Variants in TMEM132B observed in about 807,000 individuals in gnomAD.
TMEM132B encodes the protein transmembrane protein 132B.
Under a neutral mutation model 90.8 loss-of-function variants are expected in TMEM132B, and 18 were observed. That is an observed-to-expected ratio of 0.20 (90% confidence interval 0.14 to 0.29). TMEM132B has a LOEUF of 0.29. Ranked by LOEUF, TMEM132B falls within the 10% of genes least tolerant of loss-of-function variation. The probability of loss-of-function intolerance (pLI) is 1.00; values close to 1 mark genes in which losing one functional copy is unlikely to be tolerated. For synonymous variants in TMEM132B, 504 were observed against 523.3 expected (o/e 0.96, Z 0.50); for missense variants, 1,096 against 1,326.8 (o/e 0.83, Z 2.70).
chr12:125,578,512 T>C (rs1414922820), intron 4 of TMEM132B, among the ~76,000 whole-genome samples: 1 of 152,206 alleles, frequency 6.6e-6, no homozygotes, highest in Non-Finnish European at 1.5e-5. Context: ...TTTGTATTTA[T>C]CAATGTAGTT....
chr12:125,523,110 G>A (rs753354519), intron 4 of TMEM132B, among the ~76,000 whole-genome samples: 1 of 152,172 alleles, frequency 6.6e-6, no homozygotes, highest in Non-Finnish European at 1.5e-5. Flanking sequence ...CAGAGCCTGA[G>A]TCCATTGGCT....
At chr12:125,456,418 A>G (rs1205460794) in intron 3 of TMEM132B, among the ~76,000 whole-genome samples, 2 of 152,222 alleles carry the variant, frequency 1.3e-5, no homozygotes, top group Non-Finnish European at 2.9e-5. Context: ...CCCAGGAAAC[A>G]GTCTAAAAAC....
At chr12:125,576,661 T>C (rs1455833541) in intron 4 of TMEM132B, among the ~76,000 whole-genome samples, 2 of 152,078 alleles carry the variant, frequency 1.3e-5, no homozygotes, top group African/African-American at 4.8e-5. Flanking sequence ...TATTGAGTAG[T>C]TTTATCATTA....
At chr12:125,368,095 AG>A (rs1317254589) in intron 2 of TMEM132B, among the ~76,000 whole-genome samples, 1 of 152,150 alleles carries the variant, frequency 6.6e-6, no homozygotes. Context: ...TCTCTAGGTA[AG>A]TATAGTTACT....
At chr12:125,269,491 C>G (rs1272963461) in intron 1 of TMEM132B, among the ~76,000 whole-genome samples, 1 of 152,200 alleles carries the variant, frequency 6.6e-6, no homozygotes, top group African/African-American at 2.4e-5. Flanking sequence ...AGCTCTTTAC[C>G]TGTGTCCTGA....
At chr12:125,385,767 G>A (rs1036111461) in intron 2 of TMEM132B, among the ~76,000 whole-genome samples, 6 of 152,186 alleles carry the variant, frequency 3.9e-5, no homozygotes, top group African/African-American at 1.4e-4. Flanking sequence ...AGGTGGATCA[G>A]TGTTACATAA....
At chr12:125,196,680 C>T (rs6488993) in intron 1 of TMEM132B, among the ~76,000 whole-genome samples, 34,711 of 152,036 alleles carry the variant, frequency 0.23, 4,779 homozygotes, top group East Asian at 0.47. Context: ...TGCACTCCAG[C>T]GTGGGTGACA....
intron 5 of TMEM132B, among the ~76,000 whole-genome samples, chr12:125,643,441 G>A (rs1886680553): frequency 6.6e-6 from 1 of 152,184 alleles, no homozygotes. Context: ...ATGGTCTAAT[G>A]CTCAACCTAC....
At position 125,269,129 on chromosome 12, in the gene TMEM132B, A is replaced by G. The variant is rs1874763796; in HGVS notation, c.68-80323A>G. ...TGAAGGATCTTGGGTTCCCAGATACACCTCTGATTATATTTGCAGTTACTT... is the reference window on the plus strand; with the variant it reads ...TGAAGGATCTTGGGTTCCCAGATACGCCTCTGATTATATTTGCAGTTACTT... On this transcript the variant is annotated intron_variant, in intron 1 of 8. Coordinates refer to ENST00000682704, the MANE Select transcript of TMEM132B (RefSeq NM_001366854.1). Among the ~76,000 whole-genome samples, 4 of 152,318 alleles carry G rather than the reference A, an allele frequency of 2.6e-5. No homozygotes were observed. In the South Asian group the frequency reaches 8.3e-4, roughly 32 times the overall value.
chr12:125,452,288 G>A (rs1881174210), intron 3 of TMEM132B, among the ~76,000 whole-genome samples: 1 of 152,052 alleles, frequency 6.6e-6, no homozygotes, highest in Non-Finnish European at 1.5e-5. Flanking sequence ...CACTGAGACT[G>A]CCATTACTGA....
At chr12:125,378,742 A>G (rs986087675) in intron 2 of TMEM132B, among the ~76,000 whole-genome samples, 1 of 152,168 alleles carries the variant, frequency 6.6e-6, no homozygotes, top group Admixed American at 6.5e-5. Context: ...GAATGTATTT[A>G]AGTGGACATT....
At chr12:125,380,864 C>T (rs1256303016) in intron 2 of TMEM132B, among the ~76,000 whole-genome samples, 2 of 152,222 alleles carry the variant, frequency 1.3e-5, no homozygotes, top group East Asian at 3.8e-4. Context: ...AACATTACTT[C>T]CTTCTGTCCT....
At chr12:125,424,203 T>C (rs535777219) in intron 3 of TMEM132B, among the ~76,000 whole-genome samples, 2 of 152,314 alleles carry the variant, frequency 1.3e-5, no homozygotes, top group African/African-American at 4.8e-5. Context: ...TTTTGAAGCA[T>C]AAAATGTCTG....
At chr12:125,583,034 G>T (rs921267852) in intron 4 of TMEM132B, among the ~76,000 whole-genome samples, 1 of 152,194 alleles carries the variant, frequency 6.6e-6, no homozygotes, top group Non-Finnish European at 1.5e-5. Flanking sequence ...ATCTAGGAAA[G>T]AAATAATCTG....
At chr12:125,257,297 C>T (rs538224275) in intron 1 of TMEM132B, among the ~76,000 whole-genome samples, 14 of 152,134 alleles carry the variant, frequency 9.2e-5, no homozygotes, top group Non-Finnish European at 1.8e-4. Context: ...CAGAGAAAGA[C>T]CGTCTCTGAA....
At chr12:125,621,784 G>T (rs1371192459) in intron 5 of TMEM132B, among the ~76,000 whole-genome samples, 2 of 152,172 alleles carry the variant, frequency 1.3e-5, no homozygotes, top group Non-Finnish European at 2.9e-5. Flanking sequence ...ATGAGGACAA[G>T]ATATGGACCT....
At chr12:125,619,028 A>T (rs1886057037) in intron 5 of TMEM132B, among the ~76,000 whole-genome samples, 2 of 152,134 alleles carry the variant, frequency 1.3e-5, no homozygotes, top group Non-Finnish European at 2.9e-5. Context: ...TGACCTTGAA[A>T]ATTTGGTAGT....
chr12:125,224,917 C>CT (rs1378445674), intron 1 of TMEM132B, among the ~76,000 whole-genome samples: 2 of 152,214 alleles, frequency 1.3e-5, no homozygotes, highest in African/African-American at 4.8e-5. Context: ...CACACACACA[C>CT]TTTTTTGCAT....
intron 1 of TMEM132B, among the ~76,000 whole-genome samples, chr12:125,280,446 G>C (rs1309358662): frequency 1.3e-5 from 2 of 152,216 alleles, no homozygotes; most frequent in African/African-American, 4.8e-5. Flanking sequence ...GTGAGAATAA[G>C]CTGGGATAAC....
Sources: allele counts gnomAD v4.1 joint callset (sites outside exome capture counted in the v4.1 genomes callset), GRCh38; gene constraint gnomAD v4.1.1; transcripts MANE v1.5; gene names NCBI Gene and HGNC (gene_info 2026-07-23, HGNC 2026-07-21).